HR: variants seen among roughly 807,000 people sequenced by gnomAD.
HR encodes lysine-specific demethylase hairless.
HR carries 83 observed loss-of-function variants against 128.6 expected under a neutral mutation model. The ratio of observed to expected loss-of-function variants is 0.65; its 90% CI spans 0.54 to 0.77. The LOEUF (loss-of-function observed/expected upper bound fraction) is 0.77. Ranked by LOEUF, HR falls within the 30% of genes least tolerant of loss-of-function variation. HR has a pLI of 0.00. For missense variants in HR, 1,490 were observed against 1,574.6 expected (o/e 0.95, Z 0.91); for synonymous variants, 681 against 658.2 (o/e 1.03, Z -0.53).
intron 6 of HR, 137 bp from the exon 7 acceptor site, chr8:22,123,016 G>T (rs1378764664): frequency 2.6e-6 from 2 of 780,412 alleles, no homozygotes; most frequent in East Asian, 5.3e-5. Flanking sequence ...GGAAACCTGG[G>T]TCACATAGAG....
rs769276005 is a variant in HR, at chr8:22,120,820, G to A, written c.2506C>T (p.Arg836Trp). Residue 836 changes from arginine (R) to tryptophan (W), a missense_variant, in exon 11 of 19, where the codon CGG (arginine) becomes TGG (tryptophan). This residue lies in a region of HR where 423 missense variants were observed against 495.9 expected (regional missense o/e 0.85). Coordinates refer to ENST00000381418, the MANE Select transcript of HR (RefSeq NM_005144.5). ...KGLGLPLSPV[R>W]PRLPPPGALL... ...GCCCCTGGGGGAGGCAGCCGGGGCC[G>A]CACTGGAGAGAGGGGCAGGCCCAGG... 14 of 1,550,422 alleles carry A rather than the reference G, an allele frequency of 9.0e-6. 1 individual carries two copies. The highest frequency in any genetic ancestry group is 4.8e-5 in the South Asian group (4 of 84,166).
chr8:22,120,320 C>A (rs777004940), intron 12 of HR, 22 bp downstream of exon 12: 13 of 1,613,726 alleles, frequency 8.1e-6, no homozygotes, highest in Non-Finnish European at 1.1e-5. Context: ...AGCTCCCTCT[C>A]CCCTGTGTTG....
In HR at chr8:22,115,534, G is replaced by A; in HGVS notation, c.*166C>T. 4.4e-6 allele frequency: 3 copies of A among 680,988 alleles called. No individual in the cohort carries two copies. In the South Asian group the frequency reaches 5.0e-5, roughly 11 times the overall value. 42.2% of individuals were successfully genotyped at this position (680,988 alleles called of 1,614,324 possible). A position where few individuals can be genotyped will look rare whatever the true frequency, so the allele number is the denominator to read the frequency against. ...GAGCTTGGTGGCACTGTGGTTGTTG[G>A]CTTAAGGGGGAGGGGAACAGAGTGC... On this transcript the variant is annotated 3_prime_UTR_variant, in exon 19 of 19. Coordinates refer to ENST00000381418, the MANE Select transcript of HR (RefSeq NM_005144.5).
In HR at chr8:22,125,618, C is replaced by T. The variant is rs924551659; in HGVS notation, c.1520G>A (p.Gly507Glu). Residue 507 changes from glycine (G) to glutamate (E), a missense_variant, in exon 4 of 19, where the codon GGA becomes GAA. Coordinates refer to ENST00000381418, the MANE Select transcript of HR (RefSeq NM_005144.5). ...CQSCAQAAGE[G>E]GGHACHSQQV... ...CTGAGAGTGGCAGGCGTGCCCTCCT[C>T]CCTCTCCAGCTGCCTGGGCACAACT... is the stretch of plus-strand genomic sequence containing the variant. The T allele has an allele frequency of 6.2e-7, 1 of 1,608,500 alleles. No individual in the cohort carries two copies. Among genetic ancestry groups the T allele is most frequent in the Non-Finnish European group, 8.5e-7 (1 of 1,178,056 alleles).
Position 22,114,852 on chromosome 8 carries a change from A to AGCATCTTT in HR, c.*840_*847dup, listed in dbSNP as rs1826545622. ...TGCCTTGCCTGCTCTTGCACTCAGGAGCATCTTTGGGGGACAGCCCCCCAC... is the reference window on the plus strand; with the variant it reads ...TGCCTTGCCTGCTCTTGCACTCAGGAGCATCTTTGCATCTTTGGGGGACAGCCCCCCAC... On this transcript the variant is annotated 3_prime_UTR_variant, in exon 19 of 19. Coordinates refer to ENST00000381418, the MANE Select transcript of HR (RefSeq NM_005144.5). 6.6e-6 allele frequency: 1 copy of AGCATCTTT among 152,362 alleles called. No homozygotes were observed. The highest frequency in any genetic ancestry group is 1.5e-5 in the Non-Finnish European group (1 of 68,212). The allele number at this position is 152,362 out of a possible 1,614,324, so 9.4% of individuals were successfully genotyped here.
At chr8:22,119,683 C>G in intron 14 of HR, 77 bp downstream of exon 14, 1 of 1,511,642 alleles carries the variant, frequency 6.6e-7, no homozygotes, top group South Asian at 1.3e-5. Context: ...GGCCTTGGCA[C>G]AGACGCTCGT....
At chr8:22,118,558 C>G (rs1826649227) in intron 16 of HR, 1 of 277,500 alleles carries the variant, frequency 3.6e-6, no homozygotes, top group South Asian at 4.4e-5. Context: ...CAGACAGAAG[C>G]TCAGATCCCA....
chr8:22,121,258 C>G lies in HR; in HGVS notation c.2204-30G>C. On this transcript the variant is annotated intron_variant, in intron 9 of 18. Coordinates refer to ENST00000381418, the MANE Select transcript of HR (RefSeq NM_005144.5). ...CAGGGAGGAAGATGGTGGGGGGCTTCGCGTTTGGTCCCTCCTCTTCCCCTC... is the reference window on the plus strand; with the variant it reads ...CAGGGAGGAAGATGGTGGGGGGCTTGGCGTTTGGTCCCTCCTCTTCCCCTC... 1.9e-6 allele frequency: 3 copies of G among 1,610,506 alleles called. 1 individual carries two copies. Among genetic ancestry groups the G allele is most frequent in the South Asian group, 2.2e-5 (2 of 90,808 alleles).
intron 3 of HR, 114 bp from the exon 4 acceptor site, chr8:22,125,846 C>G: frequency 8.0e-7 from 1 of 1,251,688 alleles, no homozygotes; most frequent in Non-Finnish European, 1.1e-6. Flanking sequence ...TTCCTCGCCC[C>G]AGGTCTCTGA....
In HR at chr8:22,120,804, G is replaced by C. The variant is rs1350342566; in HGVS notation, c.2522C>G (p.Pro841Arg). ...PLSPVRPRLPPPGALLWLQEP... is the reference protein window; with the variant it reads ...PLSPVRPRLPRPGALLWLQEP... Reference sequence around the variant, plus strand: ...CTGCAGCCACAGCAAAGCCCCTGGGGGAGGCAGCCGGGGCCGCACTGGAGA... The same window carrying C: ...CTGCAGCCACAGCAAAGCCCCTGGGCGAGGCAGCCGGGGCCGCACTGGAGA... Residue 841 changes from proline (P) to arginine (R), a missense_variant, in exon 11 of 19, where the codon CCC becomes CGC. Pro to Arg is a moderately radical substitution (Grantham distance 103, BLOSUM62 -2). Around this residue, in one of 3 missense-constraint regions of HR, gnomAD observed 423 missense variants for 495.9 expected, o/e 0.85. Transcript: ENST00000381418. The C allele has an allele frequency of 6.5e-7, 1 of 1,545,418 alleles. No homozygotes were observed. The highest frequency in any genetic ancestry group is 2.4e-5 in the East Asian group (1 of 40,882).
rs1177062996 is a variant in HR, at chr8:22,120,566, G to C, written c.2611-59C>G. Reference sequence around the variant, plus strand: ...ATGGCCAGGGTGCCCGCCATGGCCAGGCAAGGGCGTGTTGTAAGGGCAGTA... The same window carrying C: ...ATGGCCAGGGTGCCCGCCATGGCCACGCAAGGGCGTGTTGTAAGGGCAGTA... On this transcript the variant is annotated intron_variant, in intron 11 of 18. Transcript: ENST00000381418. The C allele has an allele frequency of 5.6e-6, 9 of 1,606,718 alleles. No homozygotes were observed. In the East Asian group the frequency reaches 2.0e-4, roughly 36 times the overall value.
chr8:22,122,597 G>C lies in HR; in HGVS notation c.2017C>G (p.Leu673Val). 6.2e-7 allele frequency: 1 copy of C among 1,610,306 alleles called. No individual in the cohort carries two copies. The change falls in exon 8 of 19, where the codon CTG becomes GTG. Residue 673 changes from leucine (L) to valine (V), a missense_variant. Physicochemically the swap from Leu to Val is conservative, Grantham distance 32. Transcript: ENST00000381418. The part of the protein sequence containing the change: ...QFVSSQALAE[L>V]STAMHQVWVK... Reference sequence around the variant, plus strand: ...CAGACCTGGTGCATTGCAGTGCTCAGCTCTGCCAAAGCTGGGGGTGGGGGT... The same window carrying C: ...CAGACCTGGTGCATTGCAGTGCTCACCTCTGCCAAAGCTGGGGGTGGGGGT...
intron 16 of HR, 27 bp downstream of exon 16, chr8:22,118,923 G>T: frequency 1.9e-6 from 3 of 1,590,650 alleles, no homozygotes; most frequent in Non-Finnish European, 2.6e-6. Context: ...GCGGGGGGAA[G>T]GGGAGGGCTC....
chr8:22,123,617 T>TGGGGGGGCCC, intron 6 of HR, 32 bp downstream of exon 6: 49 of 292,082 alleles, frequency 1.7e-4, no homozygotes, highest in Non-Finnish European at 2.5e-4. Context: ...GAGGGCTCCA[T>TGGGGGGGCCC]CCCGCCCTCC....
In HR at chr8:22,127,257, G is replaced by A. The variant is rs761391119; in HGVS notation, c.1185C>T (p.Arg395=). The A allele has an allele frequency of 8.1e-6, 13 of 1,613,020 alleles. No individual in the cohort carries two copies. Among genetic ancestry groups the A allele is most frequent in the East Asian group, 6.7e-5 (3 of 44,882 alleles). The change falls in exon 3 of 19, where the codon CGC becomes CGT. Residue 395 remains arginine, a synonymous_variant. Coordinates refer to ENST00000381418, the MANE Select transcript of HR (RefSeq NM_005144.5). ...TRHSEQFECP[R]GCPEVEERPV... ...GCCTCTCCTCGACCTCAGGGCAGCC[G>A]CGTGGACATTCAAACTGCTCCGAGT...
rs769751007 is a variant in HR, at chr8:22,129,067, C to A, written c.104G>T (p.Gly35Val). Residue 35 changes from glycine (G) to valine (V), a missense_variant, in exon 2 of 19, where the codon GGA becomes GTA. By Grantham distance (109) the Gly-to-Val change is moderately radical. Coordinates refer to ENST00000381418, the MANE Select transcript of HR (RefSeq NM_005144.5). ...RQEPGSPPRD[G>V]LHHGPLCLGE... ...CAGGCACAGCGGCCCATGGTGCAGT[C>A]CATCTCGAGGCGGGCTGCCGGGCTC... is the stretch of plus-strand genomic sequence containing the variant. 27 of 1,585,934 alleles carry A rather than the reference C, an allele frequency of 1.7e-5. No individual in the cohort carries two copies. Among genetic ancestry groups the A allele is most frequent in the Non-Finnish European group, 2.3e-5 (27 of 1,166,408 alleles).
At position 22,128,544 on chromosome 8, in the gene HR, T is replaced by C; in HGVS notation, c.612+15A>G. The C allele has an allele frequency of 6.2e-7, 1 of 1,611,594 alleles. No homozygotes were observed. Among genetic ancestry groups the C allele is most frequent in the Non-Finnish European group, 8.5e-7 (1 of 1,179,554 alleles). On this transcript the variant is annotated intron_variant, in intron 2 of 18. Transcript: ENST00000381418. ...AGGCCAGAGCCACAGGTACCCTCTCTGCCCCTGCACTCACCTTGCTGCCTA... is the reference window on the plus strand; with the variant it reads ...AGGCCAGAGCCACAGGTACCCTCTCCGCCCCTGCACTCACCTTGCTGCCTA...
Position 22,125,514 on chromosome 8 carries a change from G to C in HR, c.1557-10C>G. 6.2e-7 allele frequency: 1 copy of C among 1,613,322 alleles called. No homozygotes were observed. The highest frequency in any genetic ancestry group is 1.1e-5 in the South Asian group (1 of 90,922). ...CCCTCCCAGAGGCGATCTGGAGAGA[G>C]GGCAGGGGGAGGTGAGCAGGGAGCC... is the stretch of plus-strand genomic sequence containing the variant. On this transcript the variant is annotated splice_polypyrimidine_tract_variant and intron_variant, in intron 4 of 18. Coordinates refer to ENST00000381418, the MANE Select transcript of HR (RefSeq NM_005144.5).
intron 13 of HR, 51 bp downstream of exon 13, chr8:22,120,053 C>A (rs758033066): frequency 1.3e-6 from 2 of 1,563,754 alleles, no homozygotes; most frequent in Admixed American, 1.9e-5. Flanking sequence ...CTGAACCAGG[C>A]GGGGCCTGCG....
Sources: gnomAD v4.1 joint callset for allele counts on GRCh38, gnomAD v4.1.1 for gene constraint, gnomAD v4.1.1 regional missense constraint, MANE v1.5 for transcripts, NCBI Gene and HGNC (gene_info 2026-07-23, HGNC 2026-07-21) for gene names.